The following CCDC197 variants were observed in gnomAD, a reference collection of about 807,000 sequenced individuals.
CCDC197 encodes coiled-coil domain containing 197, also known as uncharacterized protein CCDC197.
Under a neutral mutation model 13.4 loss-of-function variants are expected in CCDC197, and 24 were observed. The ratio of observed to expected loss-of-function variants is 1.80; its 90% CI spans 1.30 to 2.53. The LOEUF (loss-of-function observed/expected upper bound fraction) is 2.53, where lower values mean the gene tolerates loss of function less well. CCDC197 is among the 30% of genes most tolerant of loss of function. The pLI, the probability that CCDC197 is intolerant of heterozygous loss-of-function variation, is 0.00. For synonymous variants in CCDC197, 99 were observed against 55.5 expected (o/e 1.78, Z -3.48); for missense variants, 255 against 148.8 (o/e 1.71, Z -3.71).
intron 6 of CCDC197, among the ~76,000 whole-genome samples, chr14:94,005,448 C>CACAG (rs1260777702): frequency 6.6e-6 from 1 of 152,182 alleles, no homozygotes; most frequent in Admixed American, 6.5e-5. Flanking sequence ...GAGCCTCTTG[C>CACAG]ACAGGGTCCT....
rs192347319 is a variant in CCDC197 at position 93,988,340 on chromosome 14, C to A, written c.-107+944C>A. On this transcript the variant is annotated intron_variant, in intron 1 of 7. Transcript: ENST00000640978. ...GGATGGAAGGAGGGGAAGGGAGGAG[C>A]AGATGGGAGGAGGGAGAGGAGGGCA... Among the ~76,000 whole-genome samples the A allele has an allele frequency of 4.4e-4, 19 of 43,508 alleles. No individual in the cohort carries two copies. The East Asian group carries it at 7.0e-3, about 16-fold the overall frequency. The allele number at this position is 43,508 out of a possible 152,430, so 28.5% of individuals were successfully genotyped here. A position where few individuals can be genotyped will look rare whatever the true frequency, so the allele number is the denominator to read the frequency against.
chr14:93,989,192 G>A lies in CCDC197; in HGVS notation c.-107+1796G>A, dbSNP rs868646666. 4.3e-4 allele frequency among the ~76,000 whole-genome samples: 65 copies of A among 152,130 alleles called. 1 individual carries two copies. The highest frequency in any genetic ancestry group is 3.4e-3 in the Middle Eastern group (1 of 294). Reference sequence around the variant, plus strand: ...GTTACTGAGATGCTTGACAGCTGCCGCAGACCCTAGGGAGTTAGATTGGCT... The same window carrying A: ...GTTACTGAGATGCTTGACAGCTGCCACAGACCCTAGGGAGTTAGATTGGCT... On this transcript the variant is annotated intron_variant, in intron 1 of 7. Coordinates refer to the CCDC197 transcript ENST00000640978.
intron 1 of CCDC197, among the ~76,000 whole-genome samples, chr14:93,991,177 A>T (rs1200226974): frequency 6.6e-6 from 1 of 152,216 alleles, no homozygotes; most frequent in East Asian, 1.9e-4. Context: ...ACTTATTTGG[A>T]TTCAATACAA....
chr14:93,987,230 C>T (rs754205363), exon 1 of CCDC197: 2 of 152,362 alleles, frequency 1.3e-5, no homozygotes, highest in African/African-American at 4.8e-5. Flanking sequence ...CCAGTGGGAT[C>T]AAATGTCTGC....
In CCDC197 at chr14:94,003,132, T is replaced by C; in HGVS notation, c.367-91T>C. The C allele has an allele frequency of 1.5e-6, 1 of 680,682 alleles. No homozygotes were observed. Among genetic ancestry groups the C allele is most frequent in the Non-Finnish European group, 2.7e-6 (1 of 370,348 alleles). 42.2% of individuals were successfully genotyped at this position (680,682 alleles called of 1,614,324 possible). A position where few individuals can be genotyped will look rare whatever the true frequency, so the allele number is the denominator to read the frequency against. The stretch of plus-strand genomic sequence containing the variant: ...CCACAAGTATTCCTTCCTCCTATCC[T>C]GTCATTGCACAGACCACCCTGGGGA... On this transcript the variant is annotated intron_variant, in intron 4 of 6. Transcript: ENST00000636493. This position sits in a 1 kb window ranked among gnomAD's most constrained non-coding sequence, Gnocchi z 5.0.
In CCDC197 at chr14:94,004,962, T is replaced by A. The variant is rs1412235200; in HGVS notation, c.606T>A (p.Asp202Glu). The stretch of plus-strand genomic sequence containing the variant: ...GCATGGATCTCTTCTCCAAGCTCGA[T>A]CTGATTAAGGTAAGGATAGACAGAT... ...PKSMDLFSKL[D>E]LIKEFMLDKM... Residue 202 changes from aspartate to glutamate, a missense_variant, in exon 6 of 7, where the codon GAT becomes GAA. Transcript: ENST00000636493. 1.4e-6 allele frequency: 1 copy of A among 702,722 alleles called. No homozygotes were observed. The highest frequency in any genetic ancestry group is 2.6e-6 in the Non-Finnish European group (1 of 384,916). 43.5% of individuals were successfully genotyped at this position (702,722 alleles called of 1,614,324 possible). A position where few individuals can be genotyped will look rare whatever the true frequency, so the allele number is the denominator to read the frequency against.
At chr14:94,001,441 G>A in intron 4 of CCDC197, 118 bp downstream of exon 4, 1 of 557,160 alleles carries the variant, frequency 1.8e-6, no homozygotes, top group Non-Finnish European at 3.2e-6. Context: ...TAATGCTGGG[G>A]GGCCCTCGGT....
chr14:94,007,717 C>T (rs1162208960), intron 6 of CCDC197, among the ~76,000 whole-genome samples: 2 of 152,194 alleles, frequency 1.3e-5, no homozygotes, highest in Non-Finnish European at 2.9e-5. Flanking sequence ...ACTCTCCTGT[C>T]TTCTACCTTT....
upstream of CCDC197, among the ~76,000 whole-genome samples, chr14:93,995,869 C>G (rs1412032052): frequency 6.6e-6 from 1 of 152,182 alleles, no homozygotes; most frequent in East Asian, 1.9e-4. Flanking sequence ...CTGCTGCTGG[C>G]TGATACCCTT....
upstream of CCDC197, among the ~76,000 whole-genome samples, chr14:93,994,350 G>A (rs560518832): frequency 6.6e-6 from 1 of 152,300 alleles, no homozygotes; most frequent in East Asian, 1.9e-4. Context: ...GTACCCTTGG[G>A]CAAGTTACTT....
intron 6 of CCDC197, among the ~76,000 whole-genome samples, 184 bp from the exon 7 acceptor site, chr14:94,008,425 G>A (rs1211087388): frequency 6.6e-6 from 1 of 152,218 alleles, no homozygotes; most frequent in Non-Finnish European, 1.5e-5. Context: ...CATCAGACAA[G>A]TCACCTAACC....
In CCDC197 at chr14:94,001,245, C is replaced by T; in HGVS notation, c.288C>T (p.Leu96=). Residue 96 remains leucine (L), a synonymous_variant, in exon 4 of 7, where the codon CTC becomes CTT. Transcript: ENST00000636493. ...CCAGCCAGGACACGCAGAAGCGCCTCGAGGCCTTCTGCCAGATGATCCAGG... is the reference window on the plus strand; with the variant it reads ...CCAGCCAGGACACGCAGAAGCGCCTTGAGGCCTTCTGCCAGATGATCCAGG... The part of the protein sequence containing the change: ...FTASQDTQKR[L]EAFCQMIQAV... 1 of 780,870 alleles carries T rather than the reference C, an allele frequency of 1.3e-6. No individual in the cohort carries two copies. The highest frequency in any genetic ancestry group is 1.3e-5 in the South Asian group (1 of 74,604). The allele number at this position is 780,870 out of a possible 1,614,324, so 48.4% of individuals were successfully genotyped here.
Position 94,004,585 on chromosome 14 carries a change from C to T in CCDC197, c.499-270C>T, listed in dbSNP as rs557176475. 6.6e-5 allele frequency among the ~76,000 whole-genome samples: 10 copies of T among 152,268 alleles called. 1 individual carries two copies. In the South Asian group the frequency reaches 1.2e-3, roughly 19 times the overall value. On this transcript the variant is annotated intron_variant, in intron 5 of 6. Transcript: ENST00000636493. ...CCCCTTCCCAGTCCTCTGCTTCTAACGAGGTGTGGACCCCGATGCCTCCAG... is the reference window on the plus strand; with the variant it reads ...CCCCTTCCCAGTCCTCTGCTTCTAATGAGGTGTGGACCCCGATGCCTCCAG...
intron 1 of CCDC197, among the ~76,000 whole-genome samples, chr14:93,992,073 G>T (rs149022253): frequency 1.3e-5 from 2 of 152,346 alleles, no homozygotes; most frequent in Non-Finnish European, 2.9e-5. Flanking sequence ...CATGGCGGGC[G>T]GATTGACACC....
intron 3 of CCDC197, 152 bp downstream of exon 3, chr14:93,999,817 GC>G: frequency 1.6e-6 from 1 of 615,162 alleles, no homozygotes; most frequent in Non-Finnish European, 2.9e-6. Context: ...GTGGGGAAGG[GC>G]TCAGGCAGCC....
rs1159294715 is a variant in CCDC197 at position 93,987,397 on chromosome 14, G to A, written c.-107+1G>A. 6.6e-6 allele frequency: 1 copy of A among 152,370 alleles called. No homozygotes were observed. Among genetic ancestry groups the A allele is most frequent in the African/African-American group, 2.4e-5 (1 of 41,482 alleles). 9.4% of individuals were successfully genotyped at this position (152,370 alleles called of 1,614,324 possible). ...CCTGGCCTGGAGAGAATCAAAGCAG[G>A]TGACTGCATTTTGCCAGATCTTCTT... On this transcript the variant is annotated splice_donor_variant, in intron 1 of 7. Coordinates refer to the CCDC197 transcript ENST00000640978. LOFTEE classifies it low-confidence loss of function (5UTR_SPLICE).
chr14:93,991,213 C>T (rs1362630165), intron 1 of CCDC197, among the ~76,000 whole-genome samples: 1 of 152,158 alleles, frequency 6.6e-6, no homozygotes, highest in Non-Finnish European at 1.5e-5. Context: ...CTAGTGGTCA[C>T]AGTGACCCAG....
chr14:94,001,987 C>T (rs1191180477), intron 4 of CCDC197, among the ~76,000 whole-genome samples: 2 of 152,186 alleles, frequency 1.3e-5, no homozygotes, highest in African/African-American at 4.8e-5. Flanking sequence ...CAAGCCTGCA[C>T]CACGTTGTAC....
chr14:94,000,577 A>G (rs7156448), intron 3 of CCDC197, among the ~76,000 whole-genome samples: 70,463 of 151,748 alleles, frequency 0.46, 17,822 homozygotes, highest in East Asian at 0.97. Flanking sequence ...AGGTGGGTTT[A>G]GGGGTGGTGA....
Sources: allele counts gnomAD v4.1 joint callset (sites outside exome capture counted in the v4.1 genomes callset), GRCh38; gene constraint gnomAD v4.1.1; non-coding constraint Gnocchi (gnomAD v3.1); transcripts MANE v1.5; gene names NCBI Gene and HGNC (gene_info 2026-07-23, HGNC 2026-07-21).